Variants in MAG observed in about 807,000 individuals in gnomAD.
MAG encodes the protein myelin associated glycoprotein.
MAG carries 30 observed loss-of-function variants against 60.7 expected under a neutral mutation model. The ratio of observed to expected loss-of-function variants is 0.49; its 90% CI spans 0.37 to 0.67. The LOEUF is 0.67. Ranked by LOEUF, MAG falls within the 30% of genes least tolerant of loss-of-function variation. The pLI is 0.00. For synonymous variants in MAG, 384 were observed against 376.8 expected (o/e 1.02, Z -0.22); for missense variants, 795 against 851.7 (o/e 0.93, Z 0.83).
At chr19:35,304,584 A>G (rs542284391) in intron 7 of MAG, among the ~76,000 whole-genome samples, 86 of 152,146 alleles carry the variant, frequency 5.7e-4, no homozygotes, top group Admixed American at 9.2e-4. Context: ...TCTGTCACCC[A>G]GGCCAGAGTG....
chr19:35,295,130 T>C lies in MAG; in HGVS notation c.-23-256T>C, dbSNP rs117648310. 7.2e-5 allele frequency among the ~76,000 whole-genome samples: 11 copies of C among 152,100 alleles called. No individual in the cohort carries two copies. In the East Asian group the frequency reaches 1.3e-3, roughly 19 times the overall value. On this transcript the variant is annotated intron_variant, in intron 2 of 10. Transcript: ENST00000392213. This position sits in a 1 kb window ranked among gnomAD's most constrained non-coding sequence, Gnocchi z 5.8. ...GAAGAAAAATTAACTGGGTGTGGGG[T>C]GGCGCATACCAGAAGCTGAGACAAG...
At chr19:35,305,747 G>A (rs923346812) in intron 7 of MAG, among the ~76,000 whole-genome samples, 1 of 152,228 alleles carries the variant, frequency 6.6e-6, no homozygotes, top group African/African-American at 2.4e-5. Flanking sequence ...TTGAGGCCAG[G>A]AGTTCGAGAC....
rs1334060997 is a variant in MAG, at chr19:35,295,755, C to T, written c.189C>T (p.Ser63=). 1 of 1,613,956 alleles carries T rather than the reference C, an allele frequency of 6.2e-7. No homozygotes were observed. Among genetic ancestry groups the T allele is most frequent in the Non-Finnish European group, 8.5e-7 (1 of 1,180,024 alleles). Residue 63 remains serine (S), a synonymous_variant, in exon 4 of 11, where the codon AGC becomes AGT. Coordinates refer to ENST00000392213, the MANE Select transcript of MAG (RefSeq NM_002361.4). The surrounding 1 kb of genome is among the most constrained non-coding windows in gnomAD (Gnocchi z 5.8). The stretch of plus-strand genomic sequence containing the variant: ...TGCATGGTGTCTGGTACTTCAATAG[C>T]CCCTACCCCAAGAACTACCCCCCGG... ...AVVHGVWYFN[S]PYPKNYPPVV...
At chr19:35,312,518 C>A (rs2145628456) in intron 10 of MAG, 125 of 335,504 alleles carry the variant, frequency 3.7e-4, no homozygotes, top group East Asian at 1.0e-3. Context: ...CCTGTGTGTC[C>A]AAATTCCTGT....
Position 35,295,913 on chromosome 19 carries a change from A to T in MAG, c.347A>T (p.Tyr116Phe), listed in dbSNP as rs768936140. The T allele has an allele frequency of 3.2e-5, 52 of 1,613,626 alleles. 1 individual carries two copies. In the South Asian group the frequency reaches 4.4e-4, roughly 14 times the overall value. ...NVSPELGGKY[Y>F]FRGDLGGYNQ... ...AGCCCCGAGCTGGGCGGGAAGTACT[A>T]CTTCCGTGGGGACCTGGGCGGCTAC... The change falls in exon 4 of 11, where the codon TAC (tyrosine) becomes TTC (phenylalanine). Residue 116 changes from tyrosine (Y) to phenylalanine (F), a missense_variant. Physicochemically the swap from Tyr to Phe is conservative, Grantham distance 22 (BLOSUM62 3). Coordinates refer to ENST00000392213, the MANE Select transcript of MAG (RefSeq NM_002361.4). This position sits in a 1 kb window ranked among gnomAD's most constrained non-coding sequence, Gnocchi z 5.8.
rs2066514293 is a variant in MAG, at chr19:35,310,010, C to T, written c.1368C>T (p.Ser456=). The T allele has an allele frequency of 1.2e-6, 2 of 1,614,012 alleles. No homozygotes were observed. The highest frequency in any genetic ancestry group is 1.3e-5 in the African/African-American group (1 of 75,060). Reference sequence around the variant, plus strand: ...CGCGCAATGTGACCGTGAACGAGAGCGAGCGGGAGTTCGTGTACTCGGAGC... The same window carrying T: ...CGCGCAATGTGACCGTGAACGAGAGTGAGCGGGAGTTCGTGTACTCGGAGC... ...LPSRNVTVNE[S]EREFVYSERS... Residue 456 remains serine (S), a synonymous_variant, in exon 8 of 11, where the codon AGC becomes AGT. Transcript: ENST00000392213.
At chr19:35,294,558 G>C (rs2066381903) in intron 2 of MAG, among the ~76,000 whole-genome samples, 1 of 152,238 alleles carries the variant, frequency 6.6e-6, no homozygotes, top group Non-Finnish European at 1.5e-5. Flanking sequence ...AATGAGTTAA[G>C]ACAGCAGAAT....
At chr19:35,294,854 G>A (rs1184840583) in intron 2 of MAG, among the ~76,000 whole-genome samples, 3 of 152,182 alleles carry the variant, frequency 2.0e-5, no homozygotes, top group African/African-American at 7.2e-5. Context: ...CTGAAGGATC[G>A]CTTAAGCCTG....
intron 9 of MAG, among the ~76,000 whole-genome samples, 190 bp from the exon 10 acceptor site, chr19:35,311,728 C>T (rs1041221909): frequency 6.6e-6 from 1 of 152,194 alleles, no homozygotes; most frequent in Admixed American, 6.5e-5. Context: ...TCGTCCCCAG[C>T]CGGGCAGGGG....
chr19:35,308,528 T>C (rs2145622849), intron 7 of MAG, among the ~76,000 whole-genome samples: 1 of 151,384 alleles, frequency 6.6e-6, no homozygotes. Context: ...GCTCAGGAGT[T>C]CAAGACCAGC....
At chr19:35,302,832 G>A (rs1243855476) in intron 7 of MAG, 124 bp downstream of exon 7, 20 of 1,164,080 alleles carry the variant, frequency 1.7e-5, no homozygotes, top group Non-Finnish European at 2.4e-5. Context: ...AGACAAGGAA[G>A]GGAGGGCAGG....
intron 7 of MAG, among the ~76,000 whole-genome samples, chr19:35,303,852 G>C (rs2066465724): frequency 6.7e-6 from 1 of 148,448 alleles, no homozygotes; most frequent in Non-Finnish European, 1.5e-5. Context: ...TCACAGTTTT[G>C]ACTCCCCTTC....
At chr19:35,310,326 C>G (rs967963039) in intron 8 of MAG, among the ~76,000 whole-genome samples, 165 bp downstream of exon 8, 1 of 152,234 alleles carries the variant, frequency 6.6e-6, no homozygotes, top group Non-Finnish European at 1.5e-5. Flanking sequence ...CTGAGTTTGC[C>G]CCGAGTTTGC....
Position 35,295,814 on chromosome 19 carries a change from A to G in MAG, c.248A>G (p.Glu83Gly). 6.2e-7 allele frequency: 1 copy of G among 1,613,982 alleles called. No homozygotes were observed. ...AAGTCGCGCACCCAAGTAGTCCACG[A>G]GAGCTTCCAGGGCCGCAGCCGCCTC... ...VFKSRTQVVH[E>G]SFQGRSRLLG... Residue 83 changes from glutamate to glycine, a missense_variant, in exon 4 of 11, where the codon GAG becomes GGG. Transcript: ENST00000392213. This position sits in a 1 kb window ranked among gnomAD's most constrained non-coding sequence, Gnocchi z 5.8.
chr19:35,293,749 CT>C lies in MAG; in HGVS notation c.-79-485del, dbSNP rs2066375020. ...ACTTACCCTGAAAGCCCCCCGCAGG[CT>C]AAAACACCCTCTCCCCGAGGGAACA... On this transcript the variant is annotated intron_variant, in intron 1 of 10. Coordinates refer to ENST00000392213, the MANE Select transcript of MAG (RefSeq NM_002361.4). The surrounding 1 kb of genome is among the most constrained non-coding windows in gnomAD (Gnocchi z 4.0). Among the ~76,000 whole-genome samples the C allele has an allele frequency of 1.3e-5, 2 of 152,066 alleles. No individual in the cohort carries two copies. Among genetic ancestry groups the C allele is most frequent in the Non-Finnish European group, 2.9e-5 (2 of 68,002 alleles).
chr19:35,299,301 G>C (rs911710933), intron 4 of MAG, among the ~76,000 whole-genome samples: 1 of 152,204 alleles, frequency 6.6e-6, no homozygotes, highest in East Asian at 1.9e-4. Context: ...GTTAAACGCC[G>C]TCAAGTGCTC....
intron 6 of MAG, among the ~76,000 whole-genome samples, chr19:35,301,443 T>TC (rs2040247424): frequency 6.7e-6 from 1 of 149,658 alleles, no homozygotes; most frequent in Non-Finnish European, 1.5e-5. Flanking sequence ...TTTTTTTTTT[T>TC]TTTTTTTGAG....
rs144213585 is a variant in MAG, at chr19:35,309,916, G to A, written c.1274G>A (p.Arg425Gln). The A allele has an allele frequency of 1.4e-4, 225 of 1,613,534 alleles. No individual in the cohort carries two copies. The highest frequency in any genetic ancestry group is 1.8e-4 in the Non-Finnish European group (218 of 1,179,922). Reference protein sequence around the residue: ...LLLESHCAAARDTVQCLCVVK... With the variant: ...LLLESHCAAAQDTVQCLCVVK... ...CTGGAGTCCCACTGCGCGGCAGCCC[G>A]AGACACGGTGCAGTGCCTGTGCGTG... Residue 425 changes from arginine to glutamine, a missense_variant, in exon 8 of 11, where the codon CGA becomes CAA. Physicochemically the swap from Arg to Gln is conservative, Grantham distance 43. Transcript: ENST00000392213.
chr19:35,304,768 A>G (rs2066472166), intron 7 of MAG, among the ~76,000 whole-genome samples: 1 of 152,004 alleles, frequency 6.6e-6, no homozygotes, highest in African/African-American at 2.4e-5. Flanking sequence ...TCCAACTCCT[A>G]GTCTCAAGTG....
Sources: gnomAD v4.1 joint callset for allele counts (sites outside exome capture counted in the v4.1 genomes callset) on GRCh38, gnomAD v4.1.1 for gene constraint, Gnocchi (gnomAD v3.1) non-coding constraint, MANE v1.5 for transcripts, NCBI Gene and HGNC (gene_info 2026-07-23, HGNC 2026-07-21) for gene names.